Variants in PPM1H observed in about 807,000 individuals in gnomAD.
The protein encoded by PPM1H is protein phosphatase 1H.
A neutral mutation model predicts 54.9 loss-of-function variants in PPM1H; 27 were observed. The observed-to-expected ratio is 0.49, with a 90% CI of 0.36 to 0.68. PPM1H has a LOEUF of 0.68. Among genes scored for constraint, PPM1H ranks in the 30% least tolerant of loss-of-function variants. The pLI is 0.00. For synonymous variants in PPM1H, 305 were observed against 270.8 expected (o/e 1.13, Z -1.24); for missense variants, 596 against 667.8 (o/e 0.89, Z 1.19).
chr12:62,805,441 C>G (rs549827781), intron 2 of PPM1H, among the ~76,000 whole-genome samples: 1 of 152,170 alleles, frequency 6.6e-6, no homozygotes, highest in Non-Finnish European at 1.5e-5. Flanking sequence ...ACTGAAACAA[C>G]CTTAGCATCC....
At chr12:62,659,912 C>T (rs1478367465) in intron 9 of PPM1H, among the ~76,000 whole-genome samples, 1 of 152,186 alleles carries the variant, frequency 6.6e-6, no homozygotes, top group African/African-American at 2.4e-5. Context: ...ATAGGCTGAC[C>T]TCCTTTGGTC....
At chr12:62,834,331 T>C (rs1868437021) in intron 1 of PPM1H, among the ~76,000 whole-genome samples, 1 of 152,170 alleles carries the variant, frequency 6.6e-6, no homozygotes, top group East Asian at 1.9e-4. Flanking sequence ...GGATAAAATG[T>C]AAATATTAGG....
chr12:62,896,038 G>C (rs1363444739), intron 1 of PPM1H, among the ~76,000 whole-genome samples: 1 of 152,024 alleles, frequency 6.6e-6, no homozygotes, highest in Non-Finnish European at 1.5e-5. Context: ...AGTAGCCTAG[G>C]GAAATGCATT....
intron 1 of PPM1H, among the ~76,000 whole-genome samples, chr12:62,838,349 A>G (rs369083428): frequency 0.012 from 1,449 of 121,050 alleles, 19 homozygotes; most frequent in African/African-American, 0.031. Flanking sequence ...GGGGGGGGGG[A>G]GATGAATAAC....
intron 4 of PPM1H, among the ~76,000 whole-genome samples, chr12:62,776,490 G>A (rs947299183): frequency 2.6e-5 from 4 of 152,110 alleles, no homozygotes; most frequent in African/African-American, 9.7e-5. Flanking sequence ...TCATAGCTAC[G>A]TTCCTAGTGA....
intron 2 of PPM1H, among the ~76,000 whole-genome samples, chr12:62,819,328 C>G (rs1271626658): frequency 6.7e-6 from 1 of 150,206 alleles, no homozygotes; most frequent in Non-Finnish European, 1.5e-5. Flanking sequence ...ATGGGTTCAC[C>G]TTCTTGGCCA....
intron 9 of PPM1H, among the ~76,000 whole-genome samples, chr12:62,661,688 C>A (rs919411946): frequency 6.6e-5 from 10 of 151,816 alleles, no homozygotes; most frequent in Admixed American, 2.0e-4. Context: ...TGGGCCACTG[C>A]ACCTAGGCCA....
intron 6 of PPM1H, among the ~76,000 whole-genome samples, chr12:62,716,528 T>A (rs1404766444): frequency 6.6e-6 from 1 of 152,144 alleles, no homozygotes; most frequent in Admixed American, 6.5e-5. Flanking sequence ...TTGCAGTAGG[T>A]GGACTTTTTA....
intron 2 of PPM1H, among the ~76,000 whole-genome samples, chr12:62,807,335 G>A (rs978714604): frequency 1.3e-5 from 2 of 152,196 alleles, no homozygotes; most frequent in African/African-American, 4.8e-5. Context: ...AAGGGTGAAA[G>A]TCATGATGCT....
intron 1 of PPM1H, among the ~76,000 whole-genome samples, chr12:62,906,571 C>T (rs1871308810): frequency 1.3e-5 from 2 of 152,258 alleles, no homozygotes; most frequent in Admixed American, 1.3e-4. Context: ...ACAAAAACCC[C>T]TAGAATATTA....
chr12:62,891,445 C>T (rs1189976472), intron 1 of PPM1H, among the ~76,000 whole-genome samples: 1 of 152,182 alleles, frequency 6.6e-6, no homozygotes, highest in East Asian at 1.9e-4. Flanking sequence ...TTCCATGTGT[C>T]AACCATGTAC....
At chr12:62,765,546 C>A (rs1181894039) in intron 4 of PPM1H, among the ~76,000 whole-genome samples, 1 of 152,326 alleles carries the variant, frequency 6.6e-6, no homozygotes, top group East Asian at 1.9e-4. Flanking sequence ...CAGAGTTGAG[C>A]CTGCTTCTAG....
intron 1 of PPM1H, among the ~76,000 whole-genome samples, chr12:62,910,791 A>C (rs1054281034): frequency 6.6e-6 from 1 of 152,178 alleles, no homozygotes; most frequent in Non-Finnish European, 1.5e-5. Context: ...TATCTGAAGA[A>C]TCAGACCAAG....
intron 1 of PPM1H, among the ~76,000 whole-genome samples, chr12:62,846,976 T>A (rs1164921421): frequency 6.6e-6 from 1 of 152,158 alleles, no homozygotes; most frequent in Non-Finnish European, 1.5e-5. Flanking sequence ...AGAGATGTTT[T>A]TATCTGCCCA....
intron 1 of PPM1H, among the ~76,000 whole-genome samples, chr12:62,902,576 G>T (rs989016346): frequency 6.6e-6 from 1 of 152,162 alleles, no homozygotes; most frequent in African/African-American, 2.4e-5. Context: ...GCCCCTGGGG[G>T]TAGCCTACCT....
intron 4 of PPM1H, among the ~76,000 whole-genome samples, chr12:62,747,810 C>T (rs1183100843): frequency 6.6e-6 from 1 of 152,236 alleles, no homozygotes; most frequent in Non-Finnish European, 1.5e-5. Flanking sequence ...GCTTTTCAGC[C>T]TCAGTAGAAA....
At chr12:62,654,529 C>A (rs1166337668) in intron 9 of PPM1H, among the ~76,000 whole-genome samples, 2 of 152,226 alleles carry the variant, frequency 1.3e-5, no homozygotes, top group African/African-American at 4.8e-5. Context: ...AACCCCAAGT[C>A]AAGGCCGGAC....
chr12:62,648,123 C>T lies in PPM1H; in HGVS notation c.*366G>A. The T allele has an allele frequency of 6.0e-6, 1 of 165,746 alleles. No individual in the cohort carries two copies. The highest frequency in any genetic ancestry group is 1.3e-5 in the Non-Finnish European group (1 of 75,794). 10.3% of individuals were successfully genotyped at this position (165,746 alleles called of 1,614,324 possible). On this transcript the variant is annotated 3_prime_UTR_variant, in exon 10 of 10. Coordinates refer to ENST00000228705, the MANE Select transcript of PPM1H (RefSeq NM_020700.2). ...ACCCGTAGATAAGCTGGCAGCTTGA[C>T]AGGCTGAAGAGTCCTCTGCCATTTA... is the stretch of plus-strand genomic sequence containing the variant.
At chr12:62,761,747 G>C (rs2076510722) in intron 4 of PPM1H, among the ~76,000 whole-genome samples, 1 of 152,166 alleles carries the variant, frequency 6.6e-6, no homozygotes, top group Non-Finnish European at 1.5e-5. Flanking sequence ...CAGTGGAGCT[G>C]GCTGGCTTAG....
Sources: allele counts gnomAD v4.1 joint callset (sites outside exome capture counted in the v4.1 genomes callset), GRCh38; gene constraint gnomAD v4.1.1; transcripts MANE v1.5; gene names NCBI Gene and HGNC (gene_info 2026-07-23, HGNC 2026-07-21).